EPG5: variants seen among roughly 807,000 people sequenced by gnomAD.
EPG5 encodes ectopic P-granules 5 autophagy tethering factor.
In EPG5, 159 loss-of-function variants were observed where a neutral mutation model predicts 302.7. The ratio of observed to expected loss-of-function variants is 0.53; its 90% CI spans 0.46 to 0.60. The LOEUF is 0.60. EPG5 is among the 20% of genes least tolerant of loss of function. The probability of loss-of-function intolerance (pLI) is 0.00; values close to 1 mark genes in which losing one functional copy is unlikely to be tolerated. For missense variants in EPG5, 2,896 were observed against 3,092.4 expected, an observed-to-expected ratio of 0.94 and a Z score of 1.51; for synonymous variants, 1,158 against 1,136.8, an observed-to-expected ratio of 1.02 and a Z score of -0.37.
At chr18:45,806,902 G>C in the EPG5 span, among the ~76,000 whole-genome samples, 1 of 152,170 alleles carries the variant, frequency 6.6e-6, no homozygotes, top group African/African-American at 2.4e-5. Context: ...CTGGTGTGCA[G>C]ACTCCACAGG....
chr18:45,882,518 T>C (rs747245932), intron 30 of EPG5, 31 bp from the exon 31 acceptor site: 1 of 1,571,586 alleles, frequency 6.4e-7, no homozygotes, highest in Non-Finnish European at 8.7e-7. Flanking sequence ...AAAGCCGTTT[T>C]ATTTGCACTA....
rs1377682689 is a variant in EPG5, at chr18:45,882,351, A to G, written c.5441T>C (p.Phe1814Ser). 2 of 1,614,120 alleles carry G rather than the reference A, an allele frequency of 1.2e-6. No homozygotes were observed. The highest frequency in any genetic ancestry group is 1.3e-5 in the African/African-American group (1 of 74,932). The change falls in exon 31 of 44, where the codon TTC becomes TCC. Residue 1814 changes from phenylalanine to serine, a missense_variant. Around this residue, in one of 5 missense-constraint regions of EPG5, gnomAD observed 790 missense variants for 798.0 expected, o/e 0.99. Transcript: ENST00000282041. Reference sequence around the variant, plus strand: ...AAGAAGATAAGTCCAGTGCTTACAGAAAAGATTAAATGGCATCAAAATATC... The same window carrying G: ...AAGAAGATAAGTCCAGTGCTTACAGGAAAGATTAAATGGCATCAAAATATC... ...DEDILMPFNL[F>S]CKHWTYLLLY...
At chr18:45,827,659 T>G in the EPG5 span, among the ~76,000 whole-genome samples, 3 of 152,154 alleles carry the variant, frequency 2.0e-5, no homozygotes, top group South Asian at 6.2e-4. Flanking sequence ...GCTGGGGAGA[T>G]TCATTAGACA....
the EPG5 span, among the ~76,000 whole-genome samples, chr18:45,807,309 AC>A: frequency 6.6e-6 from 1 of 152,180 alleles, no homozygotes; most frequent in Non-Finnish European, 1.5e-5. Flanking sequence ...GTAATTGAAG[AC>A]AAAGGGCATA....
intron 7 of EPG5, 28 bp from the exon 8 acceptor site, chr18:45,944,147 A>G (rs1215152811): frequency 1.4e-6 from 2 of 1,417,124 alleles, no homozygotes; most frequent in African/African-American, 2.8e-5. Flanking sequence ...AAATCATGTC[A>G]GCAGATTTGA....
the EPG5 span, among the ~76,000 whole-genome samples, chr18:45,835,926 T>A: frequency 6.6e-6 from 1 of 152,160 alleles, no homozygotes; most frequent in Non-Finnish European, 1.5e-5. Flanking sequence ...GAAGGCTCAA[T>A]GGGTCCAGGA....
At chr18:45,816,610 T>TA in the EPG5 span, among the ~76,000 whole-genome samples, 18 of 152,062 alleles carry the variant, frequency 1.2e-4, no homozygotes, top group South Asian at 2.7e-3. Context: ...ATGGCCATAA[T>TA]AAAAAAATAG....
intron 1 of EPG5, among the ~76,000 whole-genome samples, chr18:45,965,800 T>A (rs1052050618): frequency 1.1e-4 from 17 of 152,044 alleles, no homozygotes; most frequent in Non-Finnish European, 5.9e-5. Context: ...ACGCCTGTAA[T>A]CCGGGCACTT....
At chr18:45,888,829 AT>A (rs1376783654) in intron 28 of EPG5, among the ~76,000 whole-genome samples, 2 of 152,224 alleles carry the variant, frequency 1.3e-5, no homozygotes, top group Non-Finnish European at 2.9e-5. Flanking sequence ...CTTATTAAAA[AT>A]GTTCATATTT....
At chr18:45,814,531 T>A in the EPG5 span, among the ~76,000 whole-genome samples, 1 of 152,192 alleles carries the variant, frequency 6.6e-6, no homozygotes, top group Non-Finnish European at 1.5e-5. Flanking sequence ...CATGTTAAAT[T>A]CTGTAAATTT....
chr18:45,956,011 G>A (rs1248349181), intron 1 of EPG5, among the ~76,000 whole-genome samples: 2 of 152,190 alleles, frequency 1.3e-5, no homozygotes, highest in Non-Finnish European at 2.9e-5. Flanking sequence ...TAAGTGAAGA[G>A]TTTAAGGGAA....
chr18:45,884,380 G>T (rs1351764248), intron 30 of EPG5, among the ~76,000 whole-genome samples: 2 of 152,070 alleles, frequency 1.3e-5, no homozygotes, highest in African/African-American at 2.4e-5. Context: ...CCATAAAACC[G>T]GTCCCTGGTG....
At chr18:45,901,285 T>C in intron 25 of EPG5, 118 bp from the exon 26 acceptor site, 1 of 833,734 alleles carries the variant, frequency 1.2e-6, no homozygotes, top group Non-Finnish European at 1.8e-6. Flanking sequence ...CTTACGATAG[T>C]TGAAGAGTTA....
chr18:45,964,356 G>A (rs1055409378), intron 1 of EPG5, among the ~76,000 whole-genome samples: 50 of 152,252 alleles, frequency 3.3e-4, no homozygotes, highest in African/African-American at 1.2e-3. Flanking sequence ...GTTCTCTCAC[G>A]AACTGCATGA....
At chr18:45,901,253 C>T (rs1451828675) in intron 25 of EPG5, 86 bp from the exon 26 acceptor site, 1 of 1,188,338 alleles carries the variant, frequency 8.4e-7, no homozygotes, top group Non-Finnish European at 1.2e-6. Flanking sequence ...AGTAGAATTC[C>T]TATCCTCAAA....
chr18:45,911,663 T>C (rs1470163310), intron 22 of EPG5, among the ~76,000 whole-genome samples: 1 of 152,110 alleles, frequency 6.6e-6, no homozygotes, highest in East Asian at 1.9e-4. Flanking sequence ...TCTCGAACTC[T>C]TGACCTCAAG....
chr18:45,957,693 C>T (rs149863228), intron 1 of EPG5, among the ~76,000 whole-genome samples: 5 of 152,290 alleles, frequency 3.3e-5, no homozygotes, highest in African/African-American at 9.6e-5. Flanking sequence ...ACATATGATT[C>T]GCTTGGCCTA....
chr18:45,949,547 G>A lies in EPG5; in HGVS notation c.1434C>T (p.Phe478=). The A allele has an allele frequency of 1.9e-6, 3 of 1,613,372 alleles. No homozygotes were observed. Among genetic ancestry groups the A allele is most frequent in the South Asian group, 1.1e-5 (1 of 91,008 alleles). ...GGCATCGAAGAATATGGTTTAGAAG[G>A]AAGAGGTGATCTCCAGGACAGCCAA... The part of the protein sequence containing the change: ...QRVGCPGDHL[F]LLNHILRCPA... Residue 478 remains phenylalanine, a synonymous_variant, in exon 5 of 44, where the codon TTC becomes TTT. Coordinates refer to ENST00000282041, the MANE Select transcript of EPG5 (RefSeq NM_020964.3).
chr18:45,924,888 CA>C lies in EPG5; in HGVS notation c.2718+849del, dbSNP rs1197542540. Reference sequence around the variant, plus strand: ...ATTGAGACTCCATCTCAAAACAAAACAAAAAACAACCCTGTGAGACATTGAG... The same window carrying C: ...ATTGAGACTCCATCTCAAAACAAAACAAAAACAACCCTGTGAGACATTGAG... On this transcript the variant is annotated intron_variant, in intron 14 of 43. Transcript: ENST00000282041. Among the ~76,000 whole-genome samples, 9 of 152,072 alleles carry C rather than the reference CA, an allele frequency of 5.9e-5. No homozygotes were observed. The East Asian group carries it at 1.6e-3, about 26-fold the overall frequency.
Sources: allele counts gnomAD v4.1 joint callset (sites outside exome capture counted in the v4.1 genomes callset), GRCh38; gene constraint gnomAD v4.1.1; regional missense constraint gnomAD v4.1.1; transcripts MANE v1.5; gene names NCBI Gene and HGNC (gene_info 2026-07-23, HGNC 2026-07-21).